Variants in ADAMTS12 observed in about 807,000 individuals in gnomAD.
ADAMTS12 encodes A disintegrin and metalloproteinase with thrombospondin motifs 12.
ADAMTS12 carries 118 observed loss-of-function variants against 167.8 expected under a neutral mutation model. The observed-to-expected ratio is 0.70, with a 90% CI of 0.61 to 0.82. The LOEUF (loss-of-function observed/expected upper bound fraction) is 0.82, where lower values mean the gene tolerates loss of function less well. Ranked by LOEUF, ADAMTS12 falls within the 40% of genes least tolerant of loss-of-function variation. The pLI, the probability that ADAMTS12 is intolerant of heterozygous loss-of-function variation, is 0.00. For synonymous variants in ADAMTS12, 704 were observed against 716.9 expected, an observed-to-expected ratio of 0.98 and a Z score of 0.29; for missense variants, 1,916 against 1,998.8, an observed-to-expected ratio of 0.96 and a Z score of 0.79.
chr5:33,658,261 C>T lies in ADAMTS12; in HGVS notation c.1113G>A (p.Gln371=). 1 of 1,613,710 alleles carries T rather than the reference C, an allele frequency of 6.2e-7. No individual in the cohort carries two copies. The highest frequency in any genetic ancestry group is 8.5e-7 in the Non-Finnish European group (1 of 1,179,702). Reference sequence around the variant, plus strand: ...CATTGATGTTACAACTGCGGTGAGGCTGACACATTCCTGAAAGGTGAGACA... The same window carrying T: ...CATTGATGTTACAACTGCGGTGAGGTTGACACATTCCTGAAAGGTGAGACA... ...LGLSHLSGMC[Q]PHRSCNINED... is the part of the protein sequence containing the mutation. Residue 371 remains glutamine (Q), a synonymous_variant, in exon 7 of 24, where the codon CAG becomes CAA. Transcript: ENST00000504830.
intron 3 of ADAMTS12, among the ~76,000 whole-genome samples, chr5:33,734,655 G>C (rs551154563): frequency 7.2e-5 from 11 of 152,284 alleles, no homozygotes; most frequent in African/African-American, 2.6e-4. Context: ...TAAAGTATGA[G>C]TACTTATGCT....
chr5:33,632,609 T>C (rs1448427776), intron 12 of ADAMTS12, among the ~76,000 whole-genome samples: 2 of 152,122 alleles, frequency 1.3e-5, no homozygotes, highest in Non-Finnish European at 2.9e-5. Flanking sequence ...GTAGCTCCAT[T>C]TCTGGTAGCA....
chr5:33,539,393 C>T (rs1444397837), intron 22 of ADAMTS12, among the ~76,000 whole-genome samples: 1 of 152,134 alleles, frequency 6.6e-6, no homozygotes, highest in East Asian at 1.9e-4. Flanking sequence ...TGTGGGCTGA[C>T]AAGAGGCCTG....
intron 2 of ADAMTS12, among the ~76,000 whole-genome samples, chr5:33,804,903 T>C (rs1747162792): frequency 6.6e-6 from 1 of 151,726 alleles, no homozygotes. Context: ...AACCCTGCAC[T>C]ACAGAATAAA....
chr5:33,578,222 G>A (rs1291980350), intron 18 of ADAMTS12, among the ~76,000 whole-genome samples: 2 of 152,070 alleles, frequency 1.3e-5, no homozygotes, highest in African/African-American at 2.4e-5. Context: ...CTTAAGGATG[G>A]GGACTGCATA....
In ADAMTS12 at chr5:33,658,294, G is replaced by A. The variant is rs1384948780; in HGVS notation, c.1080C>T (p.Thr360=). 2 of 1,613,670 alleles carry A rather than the reference G, an allele frequency of 1.2e-6. No individual in the cohort carries two copies. The highest frequency in any genetic ancestry group is 2.2e-5 in the East Asian group (1 of 44,868). ...ICAGFNRPCE[T]LGLSHLSGMC... ...TTCCTGAAAGGTGAGACAGGCCCAG[G>A]GTCTCGCAGGGGCGATTGAAACCAG... Residue 360 remains threonine (T), a synonymous_variant, in exon 7 of 24, where the codon ACC becomes ACT. Transcript: ENST00000504830.
intron 1 of ADAMTS12, among the ~76,000 whole-genome samples, chr5:33,888,316 T>C (rs1433810026): frequency 6.6e-6 from 1 of 152,208 alleles, no homozygotes; most frequent in Non-Finnish European, 1.5e-5. Context: ...GCAACGCTAT[T>C]TTTATTATAG....
chr5:33,561,075 T>G lies in ADAMTS12; in HGVS notation c.4077A>C (p.Arg1359Ser). 1 of 1,614,188 alleles carries G rather than the reference T, an allele frequency of 6.2e-7. No individual in the cohort carries two copies. ...AAIQRPDPAK[R>S]CHLRPCAGWK... The stretch of plus-strand genomic sequence containing the variant: ...AGCCAGCACAGGGACGGAGGTGGCA[T>G]CTTTTTGCAGGGTCAGGTCTCTGGA... The change falls in exon 20 of 24, where the codon AGA becomes AGC. Residue 1359 changes from arginine (R) to serine (S), a missense_variant. Arg to Ser is a moderately radical substitution (Grantham distance 110). Transcript: ENST00000504830.
chr5:33,614,388 G>A lies in ADAMTS12; in HGVS notation c.2389-12C>T. 6.2e-7 allele frequency: 1 copy of A among 1,613,654 alleles called. No individual in the cohort carries two copies. Among genetic ancestry groups the A allele is most frequent in the Non-Finnish European group, 8.5e-7 (1 of 1,179,628 alleles). ...ACCTGGAATAGAAGCTAAAAGGCAA[G>A]AGAGGGGTCATGTCAAACTGTCATG... On this transcript the variant is annotated splice_polypyrimidine_tract_variant and intron_variant, in intron 15 of 23. Transcript: ENST00000504830.
chr5:33,627,373 A>ATGG (rs145931342), intron 13 of ADAMTS12, among the ~76,000 whole-genome samples: 1 of 145,412 alleles, frequency 6.9e-6, no homozygotes, highest in South Asian at 2.2e-4. Context: ...GGTGGTGTTG[A>ATGG]TGGTGGTGGT....
At chr5:33,861,540 G>C (rs1461387813) in intron 2 of ADAMTS12, among the ~76,000 whole-genome samples, 1 of 152,116 alleles carries the variant, frequency 6.6e-6, no homozygotes, top group Non-Finnish European at 1.5e-5. Flanking sequence ...AGTTCTTAGA[G>C]ACCTACAAAG....
intron 20 of ADAMTS12, among the ~76,000 whole-genome samples, chr5:33,556,551 G>A (rs932628764): frequency 4.6e-5 from 7 of 152,194 alleles, no homozygotes; most frequent in Non-Finnish European, 7.3e-5. Flanking sequence ...AGCAAGTTTA[G>A]AGTGCAGGTG....
chr5:33,879,796 A>G (rs1750364357), intron 2 of ADAMTS12, among the ~76,000 whole-genome samples: 1 of 152,254 alleles, frequency 6.6e-6, no homozygotes, highest in Admixed American at 6.5e-5. Flanking sequence ...GTATTCTAGC[A>G]AAGCCAAACT....
chr5:33,646,004 G>A (rs1740649487), intron 9 of ADAMTS12, among the ~76,000 whole-genome samples: 2 of 152,148 alleles, frequency 1.3e-5, no homozygotes, highest in South Asian at 4.1e-4. Context: ...TTTTTAAGCT[G>A]AGGCTCAAAT....
At chr5:33,726,696 T>G (rs370855104) in intron 3 of ADAMTS12, among the ~76,000 whole-genome samples, 1 of 151,006 alleles carries the variant, frequency 6.6e-6, no homozygotes, top group East Asian at 1.9e-4. Flanking sequence ...CTATTGTTAC[T>G]GAAGCTTACT....
At chr5:33,654,642 T>G (rs1297726062) in intron 7 of ADAMTS12, among the ~76,000 whole-genome samples, 1 of 152,166 alleles carries the variant, frequency 6.6e-6, no homozygotes, top group Non-Finnish European at 1.5e-5. Flanking sequence ...CCCTAACTGG[T>G]CTTTTTGACA....
At position 33,527,200 on chromosome 5, in the gene ADAMTS12, T is replaced by C; in HGVS notation, c.4773A>G (p.Ser1591=). 1.2e-6 allele frequency: 2 copies of C among 1,614,210 alleles called. No homozygotes were observed. The highest frequency in any genetic ancestry group is 1.1e-5 in the South Asian group (1 of 91,074). ...CTTCCTTTTGGGCTTAGAGTTCTTT[T>C]GACTTTTGGAGCAACCGTTGCCTTC... is the stretch of plus-strand genomic sequence containing the variant. ...RQRRQRLLQK[S]KEL The change falls in exon 24 of 24, where the codon TCA becomes TCG. Residue 1591 remains serine, a synonymous_variant. Transcript: ENST00000504830.
chr5:33,757,699 A>G (rs1368851579), intron 2 of ADAMTS12, among the ~76,000 whole-genome samples: 1 of 152,232 alleles, frequency 6.6e-6, no homozygotes, highest in African/African-American at 2.4e-5. Flanking sequence ...AACGTATGAT[A>G]TGGTTGAATA....
At chr5:33,832,716 T>C (rs1272724091) in intron 2 of ADAMTS12, among the ~76,000 whole-genome samples, 1 of 152,204 alleles carries the variant, frequency 6.6e-6, no homozygotes, top group African/African-American at 2.4e-5. Context: ...TGTTGCTTTA[T>C]TTGAAAGGAT....
Sources: gnomAD v4.1 joint callset for allele counts (sites outside exome capture counted in the v4.1 genomes callset) on GRCh38, gnomAD v4.1.1 for gene constraint, MANE v1.5 for transcripts, NCBI Gene and HGNC (gene_info 2026-07-23, HGNC 2026-07-21) for gene names.